ARHGAP21: variants seen among roughly 807,000 people sequenced by gnomAD.
ARHGAP21 encodes rho GTPase-activating protein 21.
In ARHGAP21, 38 loss-of-function variants were observed where a neutral mutation model predicts 164.6. The observed-to-expected ratio is 0.23, with a 90% confidence interval of 0.18 to 0.30. ARHGAP21 has a LOEUF of 0.30. Among genes scored for constraint, ARHGAP21 ranks in the 10% least tolerant of loss-of-function variants. ARHGAP21 has a pLI of 1.00. For synonymous variants in ARHGAP21, 766 were observed against 857.9 expected, an observed-to-expected ratio of 0.89 and a Z score of 1.87; for missense variants, 1,822 against 2,370.7, an observed-to-expected ratio of 0.77 and a Z score of 4.81.
At chr10:24,714,438 G>A (rs991561664) in intron 2 of ARHGAP21, 1 of 152,112 alleles carries the variant, frequency 6.6e-6, no homozygotes, top group African/African-American at 2.4e-5. Context: ...TTAGATCTGG[G>A]TACTCACTTT....
chr10:24,648,286 T>C (rs994729362), intron 4 of ARHGAP21, among the ~76,000 whole-genome samples: 4 of 152,208 alleles, frequency 2.6e-5, no homozygotes, highest in Non-Finnish European at 2.9e-5. Flanking sequence ...ATCACTCAGA[T>C]TGTCTCCAAA....
At chr10:24,641,780 G>A (rs570765441) in intron 4 of ARHGAP21, among the ~76,000 whole-genome samples, 2 of 152,160 alleles carry the variant, frequency 1.3e-5, no homozygotes, top group South Asian at 4.2e-4. Flanking sequence ...TGGATCACGA[G>A]GTCAGGAGTT....
intron 5 of ARHGAP21, 129 bp downstream of exon 5, chr10:24,634,882 C>A: frequency 1.6e-6 from 1 of 628,232 alleles, no homozygotes; most frequent in Non-Finnish European, 2.5e-6. Flanking sequence ...AAATTAGTAA[C>A]AACAGATGTG....
intron 21 of ARHGAP21, among the ~76,000 whole-genome samples, chr10:24,592,395 TG>T (rs2076373319): frequency 6.6e-6 from 1 of 152,188 alleles, no homozygotes; most frequent in Non-Finnish European, 1.5e-5. Flanking sequence ...TTAATGATAA[TG>T]TGCAATGCAT....
At chr10:24,706,967 C>A (rs891233605) in intron 2 of ARHGAP21, among the ~76,000 whole-genome samples, 1 of 152,182 alleles carries the variant, frequency 6.6e-6, no homozygotes, top group African/African-American at 2.4e-5. Flanking sequence ...CCACAGCAAA[C>A]AAATTCCAAC....
chr10:24,681,917 TGACTA>T (rs1452422940), intron 2 of ARHGAP21, among the ~76,000 whole-genome samples: 1 of 152,166 alleles, frequency 6.6e-6, no homozygotes, highest in Non-Finnish European at 1.5e-5. Flanking sequence ...ACATGCACTC[TGACTA>T]GACTGCCCGG....
chr10:24,622,976 G>C (rs1200374260), intron 7 of ARHGAP21: 6 of 493,428 alleles, frequency 1.2e-5, no homozygotes. Context: ...ATTCTTGTTT[G>C]ATGTGTCTAC....
intron 2 of ARHGAP21, among the ~76,000 whole-genome samples, chr10:24,711,116 G>GGGAAGGAAGGAAGGAAGGAAGGAA (rs1191649348): frequency 9.6e-5 from 11 of 114,952 alleles, no homozygotes; most frequent in African/African-American, 3.7e-4. Flanking sequence ...AAAAAAAAAA[G>GGGAAGGAAGGAAGGAAGGAAGGAA]GGAAGGAAGG....
At chr10:24,610,829 A>C (rs961707551) in intron 9 of ARHGAP21, among the ~76,000 whole-genome samples, 13 of 152,206 alleles carry the variant, frequency 8.5e-5, no homozygotes, top group Admixed American at 8.5e-4. Flanking sequence ...CTTATAAGTA[A>C]GGACCACTAA....
chr10:24,660,894 G>T (rs991258564), intron 4 of ARHGAP21, among the ~76,000 whole-genome samples: 15 of 151,940 alleles, frequency 9.9e-5, no homozygotes, highest in African/African-American at 3.6e-4. Context: ...GTATACCACA[G>T]GAAGCTAAAT....
intron 4 of ARHGAP21, among the ~76,000 whole-genome samples, chr10:24,656,362 G>T (rs1185602823): frequency 9.4e-6 from 1 of 106,122 alleles, no homozygotes; most frequent in African/African-American, 4.0e-5. Flanking sequence ...CCCCCCACCC[G>T]GCCAGCCGCC....
intron 2 of ARHGAP21, among the ~76,000 whole-genome samples, chr10:24,696,869 C>T (rs1263915958): frequency 6.6e-6 from 1 of 152,238 alleles, no homozygotes; most frequent in African/African-American, 2.4e-5. Context: ...CACGGCAATA[C>T]TGAATGTGCT....
chr10:24,614,059 T>G (rs1023211085), intron 9 of ARHGAP21, among the ~76,000 whole-genome samples: 4 of 152,190 alleles, frequency 2.6e-5, no homozygotes, highest in South Asian at 4.1e-4. Context: ...CAACATTTAC[T>G]TAGAAATTTA....
intron 3 of ARHGAP21, among the ~76,000 whole-genome samples, chr10:24,669,939 G>GA (rs1840541112): frequency 6.6e-6 from 1 of 152,114 alleles, no homozygotes; most frequent in Non-Finnish European, 1.5e-5. Flanking sequence ...TTACATATTA[G>GA]AAAAAGTAGA....
At chr10:24,592,735 GAAGAAAAA>G (rs1310642746) in intron 21 of ARHGAP21, among the ~76,000 whole-genome samples, 1 of 147,932 alleles carries the variant, frequency 6.8e-6, no homozygotes, top group Non-Finnish European at 1.5e-5. Context: ...GATCCTGTTT[GAAGAAAAA>G]AAGAAAAAAA....
intron 7 of ARHGAP21, among the ~76,000 whole-genome samples, chr10:24,626,083 T>C (rs538694630): frequency 1.3e-5 from 2 of 152,216 alleles, no homozygotes; most frequent in African/African-American, 2.4e-5. Flanking sequence ...TAGAACAGCA[T>C]AAAGTAGGTT....
intron 4 of ARHGAP21, among the ~76,000 whole-genome samples, chr10:24,644,264 T>TA (rs1163836779): frequency 6.6e-6 from 1 of 152,210 alleles, no homozygotes; most frequent in Non-Finnish European, 1.5e-5. Context: ...ATCTCATGGA[T>TA]ATATAAATGC....
rs765350069 is a variant in ARHGAP21, at chr10:24,591,306, C to T, written c.4069G>A (p.Val1357Ile). The change falls in exon 24 of 26, where the codon GTA becomes ATA. Residue 1357 changes from valine to isoleucine, a missense_variant. By Grantham distance (29) the Val-to-Ile change is conservative. Around this residue, in one of 5 missense-constraint regions of ARHGAP21, gnomAD observed 333 missense variants for 383.9 expected, o/e 0.87. Transcript: ENST00000396432. ...PLTTVQEEST[V>I]DSQPVPNIDH... ...ATGTTTGGCACTGGCTGGGAGTCTACTGTGCTTTCCTCCTGCACTGTTGTC... is the reference window on the plus strand; with the variant it reads ...ATGTTTGGCACTGGCTGGGAGTCTATTGTGCTTTCCTCCTGCACTGTTGTC... The T allele has an allele frequency of 3.1e-6, 5 of 1,613,140 alleles. No homozygotes were observed. In the East Asian group the frequency reaches 6.7e-5, roughly 22 times the overall value.
chr10:24,597,113 CAG>C (rs1449611836), intron 16 of ARHGAP21, among the ~76,000 whole-genome samples: 1 of 150,794 alleles, frequency 6.6e-6, no homozygotes, highest in Non-Finnish European at 1.5e-5. Flanking sequence ...TACATAGAAT[CAG>C]TGTGTCATCT....
Sources: gnomAD v4.1 joint callset for allele counts (sites outside exome capture counted in the v4.1 genomes callset) on GRCh38, gnomAD v4.1.1 for gene constraint, gnomAD v4.1.1 regional missense constraint, MANE v1.5 for transcripts, NCBI Gene and HGNC (gene_info 2026-07-23, HGNC 2026-07-21) for gene names.